The following BLOC1S3 variants were observed in gnomAD, a reference collection of about 807,000 sequenced individuals.
BLOC1S3 encodes the protein biogenesis of lysosome-related organelles complex 1 subunit 3.
Under a neutral mutation model 9.1 loss-of-function variants are expected in BLOC1S3, and 7 were observed. That is an observed-to-expected ratio of 0.77 (90% CI 0.44 to 1.45). BLOC1S3 has a LOEUF of 1.45. Ranked by LOEUF, BLOC1S3 falls within the 40% of genes most tolerant of loss-of-function variation. BLOC1S3 has a pLI of 0.01. For synonymous variants in BLOC1S3, 145 were observed against 158.4 expected (o/e 0.92, Z 0.64); for missense variants, 307 against 315.2 (o/e 0.97, Z 0.20).
intron 2 of BLOC1S3, among the ~76,000 whole-genome samples, chr19:45,200,002 G>A (rs149660602): frequency 5.3e-5 from 8 of 152,112 alleles, no homozygotes; most frequent in Non-Finnish European, 1.2e-4. Context: ...CTGACCTCAG[G>A]TGATCCAACC....
In BLOC1S3 at chr19:45,179,395, G is replaced by A; in HGVS notation, c.99G>A (p.Ser33=). 1.3e-6 allele frequency: 2 copies of A among 1,576,004 alleles called. No individual in the cohort carries two copies. Among genetic ancestry groups the A allele is most frequent in the Non-Finnish European group, 1.7e-6 (2 of 1,168,946 alleles). ...TETDSERSAS[S]SEEEELYLGP... is the part of the protein sequence containing the mutation. ...CGGATTCCGAGCGCTCTGCGTCCTC[G>A]TCGGAGGAGGAGGAGCTGTACCTGG... is the stretch of plus-strand genomic sequence containing the variant. Residue 33 remains serine, a synonymous_variant, in exon 2 of 2, where the codon TCG becomes TCA. Transcript: ENST00000433642. This position sits in a 1 kb window ranked among gnomAD's most constrained non-coding sequence, Gnocchi z 4.6.
intron 2 of BLOC1S3, among the ~76,000 whole-genome samples, chr19:45,191,238 T>C (rs1969605439): frequency 6.6e-6 from 1 of 152,154 alleles, no homozygotes; most frequent in Non-Finnish European, 1.5e-5. Context: ...TTCTCATGCC[T>C]CAGCCTCCCG....
At position 45,210,519 on chromosome 19, in the gene BLOC1S3, G is replaced by C. The variant is rs146759387; in HGVS notation, n.283-6157G>C. ...TCTCCACGTTGGCCAGGCTGGTCTC[G>C]AACTCCTGACCTCACATGATCCGCC... On this transcript the variant is annotated intron_variant and non_coding_transcript_variant, in intron 3 of 3. Transcript: ENST00000591569. Among the ~76,000 whole-genome samples the C allele has an allele frequency of 7.0e-3, 1,058 of 151,118 alleles. 9 individuals are homozygous for C. The highest frequency in any genetic ancestry group is 0.024 in the African/African-American group (1,003 of 41,254).
At position 45,181,208 on chromosome 19, in the gene BLOC1S3, A is replaced by G. The variant is rs1969516833; in HGVS notation, c.*1303A>G. 1 of 167,366 alleles carries G rather than the reference A, an allele frequency of 6.0e-6. No individual in the cohort carries two copies. Among genetic ancestry groups the G allele is most frequent in the Non-Finnish European group, 1.5e-5 (1 of 68,276 alleles). 10.4% of individuals were successfully genotyped at this position (167,366 alleles called of 1,614,324 possible). A position where few individuals can be genotyped will look rare whatever the true frequency, so the allele number is the denominator to read the frequency against. ...GGTTTTGCTTTCTTTTACTGTCTCC[A>G]TCCTACTTACACCTCCCTGATCCTG... On this transcript the variant is annotated 3_prime_UTR_variant, in exon 2 of 2. Transcript: ENST00000433642.
chr19:45,190,348 A>T (rs1969595133), intron 2 of BLOC1S3, among the ~76,000 whole-genome samples: 2 of 143,768 alleles, frequency 1.4e-5, no homozygotes. Context: ...CTCAAAACAG[A>T]CCCCTCCTTC....
downstream of BLOC1S3, among the ~76,000 whole-genome samples, chr19:45,182,200 C>T (rs369040703): frequency 2.3e-4 from 34 of 150,714 alleles, no homozygotes; most frequent in Middle Eastern, 3.5e-3. Flanking sequence ...AAATTTTGGG[C>T]GATGTATCAC....
At chr19:45,215,867 T>C (rs1969827467) in intron 3 of BLOC1S3, among the ~76,000 whole-genome samples, 1 of 152,142 alleles carries the variant, frequency 6.6e-6, no homozygotes, top group Non-Finnish European at 1.5e-5. Flanking sequence ...TTGTGAGCCC[T>C]GGTGGCGGTG....
chr19:45,183,710 T>C (rs1435677674), downstream of BLOC1S3, among the ~76,000 whole-genome samples: 1 of 133,802 alleles, frequency 7.5e-6, no homozygotes, highest in Admixed American at 8.2e-5. Context: ...CACTGCAACC[T>C]CCACCTCCCA....
intron 3 of BLOC1S3, among the ~76,000 whole-genome samples, chr19:45,215,793 C>G (rs1447004805): frequency 6.6e-6 from 1 of 152,182 alleles, no homozygotes; most frequent in Non-Finnish European, 1.5e-5. Context: ...TGCGGGCTGG[C>G]CCTTCCTGCC....
intron 2 of BLOC1S3, among the ~76,000 whole-genome samples, chr19:45,199,441 G>A (rs1262880336): frequency 6.8e-6 from 1 of 147,204 alleles, no homozygotes; most frequent in African/African-American, 2.5e-5. Context: ...TCAGCCTCCC[G>A]AGTAGCTGGG....
chr19:45,213,448 T>C, intron 3 of BLOC1S3: 1 of 1,507,422 alleles, frequency 6.6e-7, no homozygotes, highest in Non-Finnish European at 8.9e-7. Flanking sequence ...CCCCCTCACC[T>C]ATCCCAGAAA....
intron 3 of BLOC1S3, among the ~76,000 whole-genome samples, chr19:45,205,405 T>C (rs759687325): frequency 6.6e-6 from 1 of 152,186 alleles, no homozygotes; most frequent in Admixed American, 6.6e-5. Flanking sequence ...GACCTTGTGA[T>C]CTACCCGCTT....
intron 2 of BLOC1S3, among the ~76,000 whole-genome samples, chr19:45,196,427 G>T (rs994032577): frequency 1.3e-5 from 2 of 152,020 alleles, no homozygotes; most frequent in African/African-American, 4.8e-5. Context: ...TGAGCTAGGA[G>T]GTCTGAGGTC....
intron 2 of BLOC1S3, among the ~76,000 whole-genome samples, chr19:45,200,317 G>A (rs1179240077): frequency 1.3e-5 from 2 of 151,960 alleles, no homozygotes; most frequent in Non-Finnish European, 2.9e-5. Context: ...GAGTAGCTGG[G>A]ACTACAGGCG....
chr19:45,206,353 CAAAAAAA>C (rs529931068), intron 3 of BLOC1S3, among the ~76,000 whole-genome samples: 5 of 83,898 alleles, frequency 6.0e-5, no homozygotes, highest in South Asian at 3.9e-4. Flanking sequence ...GTGAAACTCT[CAAAAAAA>C]AAAAAAAAAA....
At chr19:45,212,110 C>A (rs1417749396) in intron 3 of BLOC1S3, among the ~76,000 whole-genome samples, 2 of 152,188 alleles carry the variant, frequency 1.3e-5, no homozygotes, top group Non-Finnish European at 2.9e-5. Flanking sequence ...GCCACCAGGA[C>A]CAGGAATGGA....
At chr19:45,212,215 G>A (rs1040922262) in intron 3 of BLOC1S3, among the ~76,000 whole-genome samples, 3 of 152,168 alleles carry the variant, frequency 2.0e-5, no homozygotes, top group Non-Finnish European at 4.4e-5. Flanking sequence ...ACATGGGTTG[G>A]CGTCGCTCCC....
chr19:45,200,991 C>T (rs1032374218), intron 2 of BLOC1S3, among the ~76,000 whole-genome samples: 9 of 152,036 alleles, frequency 5.9e-5, no homozygotes, highest in African/African-American at 9.7e-5. Flanking sequence ...CATCTGAGGT[C>T]GGGAGTTTGA....
chr19:45,192,860 G>T (rs11672867), intron 2 of BLOC1S3, among the ~76,000 whole-genome samples: 67,223 of 151,508 alleles, frequency 0.44, 14,990 homozygotes, highest in Admixed American at 0.47. Context: ...CAAGCCAGGC[G>T]TGGTGGCTCA....
Sources: allele counts gnomAD v4.1 joint callset (sites outside exome capture counted in the v4.1 genomes callset), GRCh38; gene constraint gnomAD v4.1.1; non-coding constraint Gnocchi (gnomAD v3.1); transcripts MANE v1.5; gene names NCBI Gene and HGNC (gene_info 2026-07-23, HGNC 2026-07-21).